The following WWC2 variants were observed in gnomAD, a reference collection of about 807,000 sequenced individuals.
WWC2 encodes protein WWC2.
In WWC2, 101 loss-of-function variants were observed where a neutral mutation model predicts 138.5. The ratio of observed to expected loss-of-function variants is 0.73; its 90% confidence interval spans 0.62 to 0.86. The LOEUF is 0.86. WWC2 is among the 40% of genes least tolerant of loss of function. The probability of loss-of-function intolerance (pLI) is 0.00; values close to 1 mark genes in which losing one functional copy is unlikely to be tolerated. For missense variants in WWC2, 1,420 were observed against 1,419.4 expected, an observed-to-expected ratio of 1.00 and a Z score of -0.01; for synonymous variants, 558 against 538.4, an observed-to-expected ratio of 1.04 and a Z score of -0.50.
intron 1 of WWC2, among the ~76,000 whole-genome samples, chr4:183,188,649 T>C (rs1388705834): frequency 1.8e-4 from 26 of 147,812 alleles, no homozygotes; most frequent in African/African-American, 6.2e-4. Context: ...CTTTCTTTTT[T>C]TTTTTTTTTT....
At position 183,208,088 on chromosome 4, in the gene WWC2, C is replaced by T. The variant is rs201320514; in HGVS notation, c.377C>T (p.Ala126Val). Reference sequence around the variant, plus strand: ...TACCATGTGAAGGAGCAGAGGCTGGCGCTGGCCCTGGATGAATACGTGCGA... The same window carrying T: ...TACCATGTGAAGGAGCAGAGGCTGGTGCTGGCCCTGGATGAATACGTGCGA... ...ELYHVKEQRL[A>V]LALDEYVRLN... The change falls in exon 3 of 23, where the codon GCG (alanine) becomes GTG (valine). Residue 126 changes from alanine (A) to valine (V), a missense_variant. Transcript: ENST00000403733. 82 of 1,613,808 alleles carry T rather than the reference C, an allele frequency of 5.1e-5. No homozygotes were observed. The African/African-American group carries it at 7.9e-4, about 15-fold the overall frequency.
chr4:183,234,681 C>T (rs1290614015), intron 4 of WWC2, among the ~76,000 whole-genome samples: 1 of 151,896 alleles, frequency 6.6e-6, no homozygotes, highest in Non-Finnish European at 1.5e-5. Flanking sequence ...GGGTTCTTTA[C>T]CAATAAAATG....
At chr4:183,297,932 C>T (rs1427115269) in intron 21 of WWC2, among the ~76,000 whole-genome samples, 1 of 152,180 alleles carries the variant, frequency 6.6e-6, no homozygotes, top group Admixed American at 6.5e-5. Flanking sequence ...AATCTCATGG[C>T]ACATGTTGGC....
chr4:183,159,728 T>A (rs55745822), intron 1 of WWC2, among the ~76,000 whole-genome samples: 51 of 57,698 alleles, frequency 8.8e-4, no homozygotes, highest in African/African-American at 3.2e-3. Context: ...TTTTTTTTTT[T>A]TAAAAAAAAA....
chr4:183,232,986 T>C (rs1394549841), intron 4 of WWC2, among the ~76,000 whole-genome samples: 1 of 151,946 alleles, frequency 6.6e-6, no homozygotes, highest in Non-Finnish European at 1.5e-5. Context: ...CAGATAATTG[T>C]TTTTTTGCCA....
intron 4 of WWC2, among the ~76,000 whole-genome samples, chr4:183,216,710 T>C (rs1008400825): frequency 2.6e-4 from 40 of 152,126 alleles, no homozygotes; most frequent in African/African-American, 8.9e-4. Flanking sequence ...GTGCATGAGT[T>C]GATGAGACAG....
At chr4:183,273,675 A>C (rs1737768264) in intron 16 of WWC2, among the ~76,000 whole-genome samples, 1 of 152,184 alleles carries the variant, frequency 6.6e-6, no homozygotes, top group Admixed American at 6.5e-5. Context: ...TCAGATAAAT[A>C]ATTTGCAGAT....
rs55703226 is a variant in WWC2 at position 183,265,190 on chromosome 4, A to G, written c.2039+83A>G. The G allele has an allele frequency of 2.4e-3, 3,587 of 1,477,020 alleles. 78 individuals carry two copies. In the African/African-American group the frequency reaches 0.044, roughly 18 times the overall value. 91.5% of individuals were successfully genotyped at this position (1,477,020 alleles called of 1,614,324 possible). A position where few individuals can be genotyped will look rare whatever the true frequency, so the allele number is the denominator to read the frequency against. On this transcript the variant is annotated intron_variant, in intron 12 of 22. Coordinates refer to ENST00000403733, the MANE Select transcript of WWC2 (RefSeq NM_024949.6). The stretch of plus-strand genomic sequence containing the variant: ...GGTTATATGCTGTAAATGGACTGCT[A>G]CCATTAGTCCGCTCTTTGGCTTAGT...
At chr4:183,211,895 C>T (rs1735609436) in intron 4 of WWC2, among the ~76,000 whole-genome samples, 1 of 151,798 alleles carries the variant, frequency 6.6e-6, no homozygotes, top group Non-Finnish European at 1.5e-5. Context: ...TATCTCAGCT[C>T]ACTGCAAGCT....
intron 16 of WWC2, among the ~76,000 whole-genome samples, chr4:183,273,403 C>T (rs1737756668): frequency 6.6e-6 from 1 of 152,154 alleles, no homozygotes; most frequent in South Asian, 2.1e-4. Flanking sequence ...CTCCCAGGTT[C>T]AAGTGATTCT....
chr4:183,208,898 A>G, intron 3 of WWC2, 51 bp from the exon 4 acceptor site: 1 of 1,268,404 alleles, frequency 7.9e-7, no homozygotes, highest in South Asian at 1.3e-5. Context: ...TAAGCTGAGA[A>G]CTAGTTATGC....
intron 15 of WWC2, among the ~76,000 whole-genome samples, chr4:183,270,419 C>G (rs950419293): frequency 1.3e-5 from 2 of 149,960 alleles, no homozygotes; most frequent in African/African-American, 4.9e-5. Context: ...ATTTTTTTTT[C>G]AGTGGATAAT....
At chr4:183,232,434 C>T (rs1048791746) in intron 4 of WWC2, among the ~76,000 whole-genome samples, 3 of 152,180 alleles carry the variant, frequency 2.0e-5, no homozygotes, top group African/African-American at 7.2e-5. Flanking sequence ...CCACACCTCC[C>T]TCCTCCATCC....
intron 21 of WWC2, among the ~76,000 whole-genome samples, chr4:183,308,625 G>A (rs1478756743): frequency 1.3e-5 from 2 of 152,104 alleles, no homozygotes; most frequent in African/African-American, 4.8e-5. Context: ...GGACACAGAT[G>A]CTCAAGTCCT....
intron 20 of WWC2, among the ~76,000 whole-genome samples, chr4:183,286,832 G>T (rs532058968): frequency 6.6e-6 from 1 of 152,098 alleles, no homozygotes; most frequent in South Asian, 2.1e-4. Flanking sequence ...CAACTGTGCC[G>T]GGTATGACAG....
intron 1 of WWC2, among the ~76,000 whole-genome samples, chr4:183,156,118 C>T (rs541749921): frequency 6.6e-6 from 1 of 151,966 alleles, no homozygotes; most frequent in Non-Finnish European, 1.5e-5. Context: ...CCTCCACATC[C>T]CAGGTTCAAG....
At chr4:183,204,311 C>T (rs998131978) in intron 2 of WWC2, among the ~76,000 whole-genome samples, 2 of 152,114 alleles carry the variant, frequency 1.3e-5, no homozygotes, top group Non-Finnish European at 2.9e-5. Flanking sequence ...CCCGAGAATA[C>T]CAGGATAGGA....
intron 1 of WWC2, among the ~76,000 whole-genome samples, chr4:183,130,596 T>A (rs993572648): frequency 7.2e-5 from 11 of 152,222 alleles, no homozygotes; most frequent in Non-Finnish European, 1.3e-4. Context: ...CGTGACTATT[T>A]CCATTTTTTA....
chr4:183,269,424 C>T, intron 15 of WWC2: 1 of 599,962 alleles, frequency 1.7e-6, no homozygotes, highest in Non-Finnish European at 3.2e-6. Context: ...CACAGAAGAA[C>T]TTTACCTTTG....
Sources: gnomAD v4.1 joint callset for allele counts (sites outside exome capture counted in the v4.1 genomes callset) on GRCh38, gnomAD v4.1.1 for gene constraint, MANE v1.5 for transcripts, NCBI Gene and HGNC (gene_info 2026-07-23, HGNC 2026-07-21) for gene names.